ARB2A: variants seen among roughly 807,000 people sequenced by gnomAD.
ARB2A encodes ARB2 cotranscriptional regulator A, also known as cotranscriptional regulator ARB2A.
chr5:93,895,834 A>G, the ARB2A span, among the ~76,000 whole-genome samples: 4 of 152,014 alleles, frequency 2.6e-5, no homozygotes, highest in Non-Finnish European at 5.9e-5. Flanking sequence ...TCTATTAACA[A>G]TATATAATCA....
chr5:94,069,521 C>T, the ARB2A span, among the ~76,000 whole-genome samples: 1 of 152,106 alleles, frequency 6.6e-6, no homozygotes, highest in Non-Finnish European at 1.5e-5. Context: ...AGAAAATATT[C>T]ACAAACTATT....
chr5:93,793,522 A>G, the ARB2A span, among the ~76,000 whole-genome samples: 34 of 152,188 alleles, frequency 2.2e-4, no homozygotes, highest in African/African-American at 7.9e-4. Context: ...GCAAATCCAT[A>G]TTTGTTAACA....
At chr5:94,064,167 A>G in the ARB2A span, among the ~76,000 whole-genome samples, 1 of 152,144 alleles carries the variant, frequency 6.6e-6, no homozygotes, top group African/African-American at 2.4e-5. Context: ...AAAAGAACCA[A>G]TCAGAAATCC....
At chr5:93,788,719 T>C in the ARB2A span, among the ~76,000 whole-genome samples, 9 of 152,228 alleles carry the variant, frequency 5.9e-5, no homozygotes, top group African/African-American at 2.2e-4. Flanking sequence ...ATTTAACTTA[T>C]ACTGAATTAA....
the ARB2A span, among the ~76,000 whole-genome samples, chr5:93,713,689 G>A: frequency 1.3e-5 from 2 of 152,140 alleles, no homozygotes; most frequent in East Asian, 1.9e-4. Context: ...CCCACTGCTA[G>A]GTATATGCCC....
At chr5:93,989,821 C>CCGTT in the ARB2A span, among the ~76,000 whole-genome samples, 1 of 152,064 alleles carries the variant, frequency 6.6e-6, no homozygotes, top group African/African-American at 2.4e-5. Flanking sequence ...GTCCATGGTT[C>CCGTT]CTGAACTCAG....
the ARB2A span, among the ~76,000 whole-genome samples, chr5:93,691,641 G>C: frequency 1.7e-3 from 256 of 152,112 alleles, 1 homozygote; most frequent in Non-Finnish European, 4.3e-4. Context: ...CAACTAGCAA[G>C]ACAGGCCAAC....
At chr5:93,827,870 T>C in the ARB2A span, among the ~76,000 whole-genome samples, 4 of 152,152 alleles carry the variant, frequency 2.6e-5, no homozygotes, top group African/African-American at 7.2e-5. Flanking sequence ...TCCCCATTGC[T>C]TGTTTTTCTC....
chr5:93,762,362 T>G, the ARB2A span, among the ~76,000 whole-genome samples: 1 of 152,192 alleles, frequency 6.6e-6, no homozygotes, highest in Non-Finnish European at 1.5e-5. Flanking sequence ...TTAAAGGACC[T>G]GATGGAGCTG....
At chr5:93,750,370 G>C in the ARB2A span, among the ~76,000 whole-genome samples, 2 of 152,168 alleles carry the variant, frequency 1.3e-5, no homozygotes, top group Admixed American at 1.3e-4. Context: ...TCCTTCATAA[G>C]AAAAATATGG....
chr5:93,713,165 T>C, the ARB2A span, among the ~76,000 whole-genome samples: 450 of 152,238 alleles, frequency 3.0e-3, 2 homozygotes, highest in Non-Finnish European at 5.2e-3. Flanking sequence ...TCTTGAGTAA[T>C]AGCTCAAAAA....
At chr5:93,987,609 G>A in the ARB2A span, among the ~76,000 whole-genome samples, 1 of 152,088 alleles carries the variant, frequency 6.6e-6, no homozygotes, top group Non-Finnish European at 1.5e-5. Flanking sequence ...GTGACTACTT[G>A]CTCGGCATAT....
the ARB2A span, among the ~76,000 whole-genome samples, chr5:93,826,384 C>T: frequency 6.6e-6 from 1 of 152,168 alleles, no homozygotes; most frequent in Non-Finnish European, 1.5e-5. Context: ...CACTTGCCAT[C>T]TAGAAGTTAG....
the ARB2A span, chr5:93,683,717 T>A: frequency 1.2e-6 from 2 of 1,611,060 alleles, no homozygotes; most frequent in Admixed American, 3.3e-5. Flanking sequence ...GAATCTTCCA[T>A]CGGGTGGCGG....
the ARB2A span, among the ~76,000 whole-genome samples, chr5:93,941,161 GA>G: frequency 9.1e-4 from 139 of 152,138 alleles, 3 homozygotes; most frequent in Admixed American, 9.0e-3. Flanking sequence ...CCCGTTCCTT[GA>G]AAGTGTCCAA....
chr5:93,917,708 T>A, the ARB2A span, among the ~76,000 whole-genome samples: 2 of 151,808 alleles, frequency 1.3e-5, no homozygotes, highest in African/African-American at 4.8e-5. Context: ...TAAGACCTCA[T>A]CTCTACAAAA....
the ARB2A span, among the ~76,000 whole-genome samples, chr5:94,074,046 A>G: frequency 6.6e-6 from 1 of 152,104 alleles, no homozygotes; most frequent in Non-Finnish European, 1.5e-5. Flanking sequence ...ATTACTTTTC[A>G]GCCTCTTTTG....
the ARB2A span, among the ~76,000 whole-genome samples, chr5:94,038,139 T>A: frequency 6.6e-6 from 1 of 152,116 alleles, no homozygotes; most frequent in Non-Finnish European, 1.5e-5. Flanking sequence ...TTCATTATAA[T>A]GTCTGCTGAA....
the ARB2A span, chr5:93,958,754 A>G: frequency 6.8e-6 from 10 of 1,470,878 alleles, no homozygotes; most frequent in Non-Finnish European, 9.0e-6. Context: ...GCCAAAAAAA[A>G]AAACCCAGGA....
Sources: allele counts gnomAD v4.1 joint callset (sites outside exome capture counted in the v4.1 genomes callset), GRCh38; gene constraint gnomAD v4.1.1; transcripts MANE v1.5; gene names NCBI Gene and HGNC (gene_info 2026-07-23, HGNC 2026-07-21).